The following MYCBP2 variants were observed in gnomAD, a reference collection of about 807,000 sequenced individuals.
MYCBP2 encodes the protein E3 ubiquitin-protein ligase MYCBP2.
Under a neutral mutation model 525.3 loss-of-function variants are expected in MYCBP2, and 120 were observed. That is an observed-to-expected ratio of 0.23 (90% confidence interval 0.20 to 0.27). The LOEUF (loss-of-function observed/expected upper bound fraction) is 0.27, where lower values mean the gene tolerates loss of function less well. MYCBP2 is among the 10% of genes least tolerant of loss of function. MYCBP2 has a pLI of 1.00. For missense variants in MYCBP2, 4,149 were observed against 5,657.1 expected, an observed-to-expected ratio of 0.73 and a Z score of 8.55; for synonymous variants, 1,894 against 1,955.8, an observed-to-expected ratio of 0.97 and a Z score of 0.83.
chr13:77,282,653 A>G (rs2076324165), intron 3 of MYCBP2, among the ~76,000 whole-genome samples: 1 of 151,904 alleles, frequency 6.6e-6, no homozygotes, highest in African/African-American at 2.4e-5. Context: ...TCCCAAATCT[A>G]TTTTTCTAGC....
At chr13:77,157,539 A>G (rs1262289196) in intron 45 of MYCBP2, among the ~76,000 whole-genome samples, 1 of 152,118 alleles carries the variant, frequency 6.6e-6, no homozygotes, top group African/African-American at 2.4e-5. Context: ...ATATACTATC[A>G]TAACTATTCC....
chr13:77,191,581 A>G (rs1355973949), intron 28 of MYCBP2, 98 bp downstream of exon 28: 13 of 1,399,786 alleles, frequency 9.3e-6, no homozygotes, highest in Non-Finnish European at 1.3e-5. Flanking sequence ...TAGTCTTCCT[A>G]AGCTTTTGAA....
At chr13:77,139,829 T>C (rs2154182219) in intron 51 of MYCBP2, among the ~76,000 whole-genome samples, 1 of 152,312 alleles carries the variant, frequency 6.6e-6, no homozygotes, top group Non-Finnish European at 1.5e-5. Context: ...TCGAACATTG[T>C]TCTTTTCATG....
intron 55 of MYCBP2, chr13:77,109,605 A>T (rs1410836482): frequency 6.6e-6 from 1 of 152,202 alleles, no homozygotes; most frequent in Non-Finnish European, 1.5e-5. Flanking sequence ...ATAAAATAGC[A>T]AGGCTGGACT....
At chr13:77,268,016 A>G (rs2074342257) in intron 7 of MYCBP2, 79 bp from the exon 8 acceptor site, 1 of 837,664 alleles carries the variant, frequency 1.2e-6, no homozygotes, top group Non-Finnish European at 2.0e-6. Context: ...GCTCCATATT[A>G]CAGGTTTTTG....
At chr13:77,268,346 C>T (rs1037495563) in intron 7 of MYCBP2, among the ~76,000 whole-genome samples, 2 of 152,136 alleles carry the variant, frequency 1.3e-5, no homozygotes, top group African/African-American at 4.8e-5. Flanking sequence ...CCATTGAACA[C>T]ACTGCTATAA....
In MYCBP2 at chr13:77,161,972, G is replaced by A. The variant is rs753899993; in HGVS notation, c.6548-17C>T. On this transcript the variant is annotated splice_polypyrimidine_tract_variant and intron_variant, in intron 43 of 82. Transcript: ENST00000544440. Reference sequence around the variant, plus strand: ...ATTCATTACCTGTTGTGTAAATAAAGAGTTTTACTAAAATATGTCAATATT... The same window carrying A: ...ATTCATTACCTGTTGTGTAAATAAAAAGTTTTACTAAAATATGTCAATATT... 18 of 1,552,648 alleles carry A rather than the reference G, an allele frequency of 1.2e-5. No individual in the cohort carries two copies. In the South Asian group the frequency reaches 2.0e-4, roughly 17 times the overall value.
chr13:77,210,063 G>C (rs1489458621), intron 23 of MYCBP2, among the ~76,000 whole-genome samples: 2 of 152,144 alleles, frequency 1.3e-5, no homozygotes, highest in African/African-American at 4.8e-5. Context: ...GGCCGCAAAA[G>C]GAAAGAAGTG....
chr13:77,051,756 A>C, intron 81 of MYCBP2, 55 bp downstream of exon 81: 2 of 1,328,792 alleles, frequency 1.5e-6, no homozygotes, highest in Non-Finnish European at 1.1e-6. Flanking sequence ...TTGTTTAAAA[A>C]ATAATACTAT....
intron 20 of MYCBP2, among the ~76,000 whole-genome samples, chr13:77,223,753 A>T (rs141643874): frequency 2.0e-3 from 311 of 152,278 alleles, no homozygotes; most frequent in Admixed American, 4.0e-3. Context: ...GCAAGCTGGG[A>T]AGAGAGAAGG....
At chr13:77,194,354 TA>T in intron 26 of MYCBP2, 110 bp from the exon 27 acceptor site, 1 of 708,848 alleles carries the variant, frequency 1.4e-6, no homozygotes, top group Non-Finnish European at 2.4e-6. Flanking sequence ...ATACCAAATG[TA>T]AAAAATCAGA....
At chr13:77,178,925 T>C (rs1225403947) in intron 34 of MYCBP2, among the ~76,000 whole-genome samples, 2 of 152,214 alleles carry the variant, frequency 1.3e-5, no homozygotes. Context: ...GAAGGTATTA[T>C]AGACTAAATG....
intron 80 of MYCBP2, among the ~76,000 whole-genome samples, chr13:77,054,183 G>T (rs781197451): frequency 3.9e-5 from 6 of 152,108 alleles, no homozygotes; most frequent in Non-Finnish European, 7.4e-5. Flanking sequence ...TATGCAGGGG[G>T]AGGTAGAGAA....
At chr13:77,180,068 A>G (rs993895100) in intron 34 of MYCBP2, 59 bp downstream of exon 34, 3 of 1,375,240 alleles carry the variant, frequency 2.2e-6, no homozygotes, top group Non-Finnish European at 3.0e-6. Flanking sequence ...TGAAAAAAGA[A>G]ACTGTGTAAA....
At chr13:77,292,027 AAT>A (rs2077532762) in intron 2 of MYCBP2, among the ~76,000 whole-genome samples, 1 of 152,222 alleles carries the variant, frequency 6.6e-6, no homozygotes, top group African/African-American at 2.4e-5. Context: ...CAAGCTTTAC[AAT>A]GTGTACCTGA....
At chr13:77,169,183 C>T (rs181425854) in intron 39 of MYCBP2, among the ~76,000 whole-genome samples, 2 of 151,916 alleles carry the variant, frequency 1.3e-5, no homozygotes, top group East Asian at 1.9e-4. Context: ...GCGAGGCGGG[C>T]GGATCACGAG....
chr13:77,225,564 T>C lies in MYCBP2; in HGVS notation c.2738-10A>G, dbSNP rs1337343192. ...CTTTCTCCACTTCCATCTGCAAGTG[T>C]TATAATTTGTGAATTATGATTAAGC... On this transcript the variant is annotated splice_polypyrimidine_tract_variant and intron_variant, in intron 18 of 82. Coordinates refer to ENST00000544440, the MANE Select transcript of MYCBP2 (RefSeq NM_015057.5). 6.2e-7 allele frequency: 1 copy of C among 1,612,900 alleles called. No homozygotes were observed. The highest frequency in any genetic ancestry group is 8.5e-7 in the Non-Finnish European group (1 of 1,179,184).
At chr13:77,214,924 A>G (rs1593991181) in intron 21 of MYCBP2, among the ~76,000 whole-genome samples, 1 of 152,304 alleles carries the variant, frequency 6.6e-6, no homozygotes, top group East Asian at 1.9e-4. Context: ...ACAGTGCATA[A>G]CTGTGTATAC....
At chr13:77,064,812 T>A in intron 72 of MYCBP2, 78 bp from the exon 73 acceptor site, 1 of 1,312,386 alleles carries the variant, frequency 7.6e-7, no homozygotes, top group Non-Finnish European at 1.0e-6. Context: ...TTAAATAACA[T>A]CTCCTATCAA....
Sources: allele counts gnomAD v4.1 joint callset (sites outside exome capture counted in the v4.1 genomes callset), GRCh38; gene constraint gnomAD v4.1.1; transcripts MANE v1.5; gene names NCBI Gene and HGNC (gene_info 2026-07-23, HGNC 2026-07-21).